MGMT: variants seen among roughly 807,000 people sequenced by gnomAD.
MGMT encodes O-6-methylguanine-DNA methyltransferase.
Under a neutral mutation model 15.9 loss-of-function variants are expected in MGMT, and 14 were observed. The ratio of observed to expected loss-of-function variants is 0.88; its 90% CI spans 0.58 to 1.37. MGMT has a LOEUF of 1.37. Ranked by LOEUF, MGMT falls within the 40% of genes most tolerant of loss-of-function variation. The pLI, the probability that MGMT is intolerant of heterozygous loss-of-function variation, is 0.00. For synonymous variants in MGMT, 130 were observed against 118.2 expected (o/e 1.10, Z -0.65); for missense variants, 282 against 268.1 (o/e 1.05, Z -0.36).
intron 1 of MGMT, among the ~76,000 whole-genome samples, chr10:129,490,671 AATT>A (rs1199159321): frequency 6.6e-6 from 1 of 152,076 alleles, no homozygotes; most frequent in Non-Finnish European, 1.5e-5. Context: ...TTTATTTTTT[AATT>A]ATTTAGTCCA....
intron 1 of MGMT, among the ~76,000 whole-genome samples, chr10:129,506,528 T>A (rs1483501477): frequency 1.3e-5 from 2 of 152,132 alleles, no homozygotes; most frequent in Non-Finnish European, 2.9e-5. Flanking sequence ...GGCTCCAGAT[T>A]GTTCTCCAGG....
At chr10:129,701,093 G>A (rs1363711949) in intron 2 of MGMT, 1 of 152,208 alleles carries the variant, frequency 6.6e-6, no homozygotes, top group Non-Finnish European at 1.5e-5. Flanking sequence ...GAAGTGCTGT[G>A]TGTGGCGAGG....
intron 2 of MGMT, among the ~76,000 whole-genome samples, chr10:129,703,462 A>C (rs1848122422): frequency 6.6e-6 from 1 of 152,148 alleles, no homozygotes; most frequent in Non-Finnish European, 1.5e-5. Context: ...CTCTCGTGGT[A>C]GAATGCCCCC....
chr10:129,654,052 G>C (rs1224930962), intron 2 of MGMT, among the ~76,000 whole-genome samples: 2 of 152,138 alleles, frequency 1.3e-5, no homozygotes, highest in Non-Finnish European at 2.9e-5. Context: ...CCCAGAGCGA[G>C]GGCCACACCC....
intron 2 of MGMT, among the ~76,000 whole-genome samples, chr10:129,686,331 C>T (rs1847904162): frequency 6.6e-6 from 1 of 152,030 alleles, no homozygotes; most frequent in African/African-American, 2.4e-5. Flanking sequence ...GATAATTCCA[C>T]ATAAATAAGA....
At chr10:129,561,571 A>G (rs149934091) in intron 2 of MGMT, among the ~76,000 whole-genome samples, 4,950 of 152,262 alleles carry the variant, frequency 0.033, 131 homozygotes, top group South Asian at 0.065. Context: ...TGTCAAGGTG[A>G]TATCTTGTCT....
intron 3 of MGMT, among the ~76,000 whole-genome samples, chr10:129,743,239 C>T (rs898777957): frequency 1.3e-5 from 2 of 152,242 alleles, no homozygotes; most frequent in African/African-American, 4.8e-5. Context: ...TTCGCCATCA[C>T]CTCACTCAGG....
intron 2 of MGMT, among the ~76,000 whole-genome samples, chr10:129,699,164 A>G (rs1425569799): frequency 6.6e-6 from 1 of 152,174 alleles, no homozygotes; most frequent in East Asian, 1.9e-4. Context: ...AATGATTTGA[A>G]CATTTGGAGG....
chr10:129,677,232 G>A (rs773295963), intron 2 of MGMT, among the ~76,000 whole-genome samples: 37 of 151,746 alleles, frequency 2.4e-4, no homozygotes, highest in Non-Finnish European at 3.4e-4. Context: ...AGTGTTTTAT[G>A]TCTTTTGCCT....
chr10:129,770,391 TC>T lies in MGMT; in HGVS notation c.*3396del, dbSNP rs1848987354. On this transcript the variant is annotated 3_prime_UTR_variant, in exon 5 of 5. Transcript: ENST00000651593. ...GAGATTCTCGCAGCAATGTGAGGCA[TC>T]CTCCTCACAGAAATGCATTTACGGA... 6.6e-6 allele frequency among the ~76,000 whole-genome samples: 1 copy of T among 152,182 alleles called. No individual in the cohort carries two copies. The highest frequency in any genetic ancestry group is 1.5e-5 in the Non-Finnish European group (1 of 68,022).
chr10:129,535,776 ATC>A (rs1845977547), intron 1 of MGMT, among the ~76,000 whole-genome samples: 1 of 152,208 alleles, frequency 6.6e-6, no homozygotes, highest in Non-Finnish European at 1.5e-5. Flanking sequence ...GCTGAGTTGA[ATC>A]TCTGTTTTTG....
intron 3 of MGMT, among the ~76,000 whole-genome samples, chr10:129,722,584 A>G (rs113280148): frequency 1.1e-4 from 16 of 152,364 alleles, no homozygotes; most frequent in Non-Finnish European, 1.5e-4. Context: ...AAGACTTCCT[A>G]CAAATCTGTG....
intron 4 of MGMT, among the ~76,000 whole-genome samples, chr10:129,762,013 A>G (rs556872611): frequency 4.6e-5 from 7 of 152,360 alleles, no homozygotes; most frequent in African/African-American, 1.7e-4. Context: ...TAGAAACCTC[A>G]TTAGAATGGG....
chr10:129,767,033 AC>A lies in MGMT; in HGVS notation c.*37del. 6.6e-7 allele frequency: 1 copy of A among 1,511,132 alleles called. No homozygotes were observed. The highest frequency in any genetic ancestry group is 8.9e-7 in the Non-Finnish European group (1 of 1,118,334). The allele number at this position is 1,511,132 out of a possible 1,614,324, so 93.6% of individuals were successfully genotyped here. A position where few individuals can be genotyped will look rare whatever the true frequency, so the allele number is the denominator to read the frequency against. On this transcript the variant is annotated 3_prime_UTR_variant, in exon 5 of 5. Transcript: ENST00000651593. Reference sequence around the variant, plus strand: ...TAGGATGGATGTTTGAGCGACACACACGTGTAACACTGCATCGGATGCGGGG... The same window carrying A: ...TAGGATGGATGTTTGAGCGACACACAGTGTAACACTGCATCGGATGCGGGG...
chr10:129,694,771 G>A (rs1463412433), intron 2 of MGMT, among the ~76,000 whole-genome samples: 1 of 152,124 alleles, frequency 6.6e-6, no homozygotes, highest in African/African-American at 2.4e-5. Context: ...AGAAGATGCC[G>A]GGAGACCAGC....
At chr10:129,644,643 C>T (rs948924372) in intron 2 of MGMT, among the ~76,000 whole-genome samples, 5 of 152,174 alleles carry the variant, frequency 3.3e-5, no homozygotes, top group South Asian at 2.1e-4. Flanking sequence ...CTTTCAGACA[C>T]GCATTCATCC....
intron 2 of MGMT, among the ~76,000 whole-genome samples, chr10:129,591,900 C>T (rs140349956): frequency 2.6e-5 from 4 of 152,324 alleles, no homozygotes; most frequent in African/African-American, 9.6e-5. Flanking sequence ...CACTGCACTC[C>T]AGCCTGGGTG....
At chr10:129,763,353 A>C (rs1848896856) in intron 4 of MGMT, among the ~76,000 whole-genome samples, 1 of 152,150 alleles carries the variant, frequency 6.6e-6, no homozygotes. Flanking sequence ...CCTGCCACCA[A>C]AATTCACACA....
chr10:129,682,329 A>G (rs966668094), intron 2 of MGMT, among the ~76,000 whole-genome samples: 1 of 152,138 alleles, frequency 6.6e-6, no homozygotes, highest in African/African-American at 2.4e-5. Context: ...AAAGCAGCCA[A>G]CTATTGATAC....
Sources: gnomAD v4.1 joint callset for allele counts (sites outside exome capture counted in the v4.1 genomes callset) on GRCh38, gnomAD v4.1.1 for gene constraint, MANE v1.5 for transcripts, NCBI Gene and HGNC (gene_info 2026-07-23, HGNC 2026-07-21) for gene names.